UBE2G2: variants seen among roughly 807,000 people sequenced by gnomAD.
UBE2G2 encodes the protein ubiquitin conjugating enzyme E2 G2.
UBE2G2 carries 10 observed loss-of-function variants against 23.0 expected under a neutral mutation model. The ratio of observed to expected loss-of-function variants is 0.43; its 90% CI spans 0.27 to 0.74. The LOEUF (loss-of-function observed/expected upper bound fraction) is 0.74. Ranked by LOEUF, UBE2G2 falls within the 30% of genes least tolerant of loss-of-function variation. The pLI is 0.19. For synonymous variants in UBE2G2, 86 were observed against 81.3 expected, an observed-to-expected ratio of 1.06 and a Z score of -0.31; for missense variants, 150 against 218.3, an observed-to-expected ratio of 0.69 and a Z score of 1.97.
intron 1 of UBE2G2, among the ~76,000 whole-genome samples, chr21:44,798,161 A>C (rs2083108523): frequency 6.6e-6 from 1 of 152,228 alleles, no homozygotes; most frequent in African/African-American, 2.4e-5. Flanking sequence ...GTCTCAAAAA[A>C]TAAATAAATA....
chr21:44,777,360 T>G lies in UBE2G2; in HGVS notation c.183A>C (p.Pro61=), dbSNP rs2082920977. ...FGVFPAILSF[P]LDYPLSPPKM... ...TTGGGGGACTTAACGGGTAATCAAG[T>G]GGGAAACTCAGGATGGCAGGAAAAA... Residue 61 remains proline, a synonymous_variant, in exon 4 of 6, where the codon CCA becomes CCC. Transcript: ENST00000345496. 6.2e-7 allele frequency: 1 copy of G among 1,613,864 alleles called. No homozygotes were observed.
At position 44,773,684 on chromosome 21, in the gene UBE2G2, T is replaced by C; in HGVS notation, c.248A>G (p.Tyr83Cys). 1.2e-6 allele frequency: 2 copies of C among 1,611,964 alleles called. No individual in the cohort carries two copies. The highest frequency in any genetic ancestry group is 1.7e-6 in the Non-Finnish European group (2 of 1,179,950). The change falls in exon 5 of 6, where the codon TAC becomes TGC. Residue 83 changes from tyrosine to cysteine, a missense_variant. Tyr to Cys is a radical substitution (Grantham distance 194). Transcript: ENST00000345496. ...FTCEMFHPNIYPDGRVCISIL... is the reference protein window; with the variant it reads ...FTCEMFHPNICPDGRVCISIL... The stretch of plus-strand genomic sequence containing the variant: ...GGAAATGCAGACTCTCCCATCAGGG[T>C]AGACTGCAAGGGTCAGAGGCAGCCA...
At chr21:44,779,209 G>A in intron 3 of UBE2G2, 2 of 452,140 alleles carry the variant, frequency 4.4e-6, no homozygotes, top group South Asian at 1.6e-5. Context: ...GGCCCTAGCA[G>A]GGCTGATCTG....
Position 44,788,045 on chromosome 21 carries a change from A to AC in UBE2G2, c.79+14dup, listed in dbSNP as rs782799339. ...TTAAAAGTAAATTATAAGGAAGTTAACTTTGGTACCTTACCTGCTACAATT... is the reference window on the plus strand; with the variant it reads ...TTAAAAGTAAATTATAAGGAAGTTAACCTTTGGTACCTTACCTGCTACAATT... On this transcript the variant is annotated intron_variant, in intron 2 of 5. Transcript: ENST00000345496. 6.2e-7 allele frequency: 1 copy of AC among 1,611,776 alleles called. No homozygotes were observed. The highest frequency in any genetic ancestry group is 8.5e-7 in the Non-Finnish European group (1 of 1,179,126).
Position 44,796,762 on chromosome 21 carries a change from C to T in UBE2G2, c.43+4944G>A, listed in dbSNP as rs546092314. Among the ~76,000 whole-genome samples the T allele has an allele frequency of 2.0e-5, 3 of 152,310 alleles. No individual in the cohort carries two copies. The South Asian group carries it at 6.2e-4, about 32-fold the overall frequency. On this transcript the variant is annotated intron_variant, in intron 1 of 5. Transcript: ENST00000345496. ...TCTGCTCAGAGTCTCACCAGGGCTG[C>T]CACTCCAAGTTCATTGAGGTTGCTG...
At chr21:44,794,597 T>G (rs945129266) in intron 1 of UBE2G2, among the ~76,000 whole-genome samples, 1 of 150,948 alleles carries the variant, frequency 6.6e-6, no homozygotes, top group Non-Finnish European at 1.5e-5. Flanking sequence ...TGCAGTGGCG[T>G]GATCTCGGCT....
rs2082880095 is a variant in UBE2G2, at chr21:44,772,251, T to C, written c.386-762A>G. ...AGGACAGCCTGAGCCACTGCCTCCC[T>C]CCCAATCTCCAATCCCCTGGCCTGG... On this transcript the variant is annotated intron_variant, in intron 5 of 5. Transcript: ENST00000345496. The surrounding 1 kb of genome is among the most constrained non-coding windows in gnomAD (Gnocchi z 5.4). Among the ~76,000 whole-genome samples the C allele has an allele frequency of 6.6e-6, 1 of 151,960 alleles. No homozygotes were observed. The highest frequency in any genetic ancestry group is 1.5e-5 in the Non-Finnish European group (1 of 67,960).
chr21:44,798,279 G>T (rs935815757), intron 1 of UBE2G2, among the ~76,000 whole-genome samples: 2 of 152,190 alleles, frequency 1.3e-5, no homozygotes, highest in Non-Finnish European at 2.9e-5. Context: ...AGTCTTGCCC[G>T]GATATTGATG....
chr21:44,793,025 G>A (rs1439367469), intron 1 of UBE2G2, among the ~76,000 whole-genome samples: 1 of 152,246 alleles, frequency 6.6e-6, no homozygotes. Context: ...CTCCCTTTGT[G>A]TCTCTTCATG....
chr21:44,791,074 G>T (rs1555962886), intron 1 of UBE2G2, among the ~76,000 whole-genome samples: 1 of 152,160 alleles, frequency 6.6e-6, no homozygotes, highest in South Asian at 2.1e-4. Flanking sequence ...CAAAGAGAAT[G>T]GTGAGATTTT....
chr21:44,793,468 C>CCTT (rs2083061385), intron 1 of UBE2G2, among the ~76,000 whole-genome samples: 1 of 152,184 alleles, frequency 6.6e-6, no homozygotes, highest in African/African-American at 2.4e-5. Context: ...TGTGCGCTGG[C>CCTT]CTTCCCGCCA....
chr21:44,781,987 CTAAA>C (rs2082961150), intron 3 of UBE2G2, among the ~76,000 whole-genome samples: 2 of 152,142 alleles, frequency 1.3e-5, no homozygotes, highest in South Asian at 2.1e-4. Context: ...ATAAAGTGTA[CTAAA>C]TAAGTTCATC....
intron 3 of UBE2G2, among the ~76,000 whole-genome samples, chr21:44,778,852 A>T (rs2082933482): frequency 6.6e-6 from 1 of 152,246 alleles, no homozygotes; most frequent in African/African-American, 2.4e-5. Context: ...GGCAGAAAGA[A>T]CAGTCGTGCA....
At chr21:44,788,578 C>G (rs1415345488) in intron 1 of UBE2G2, among the ~76,000 whole-genome samples, 1 of 152,022 alleles carries the variant, frequency 6.6e-6, no homozygotes, top group Non-Finnish European at 1.5e-5. Flanking sequence ...CATGAGCCAC[C>G]GCGCCGGCCC....
chr21:44,773,533 G>A lies in UBE2G2; in HGVS notation c.385+14C>T, dbSNP rs1555960177. On this transcript the variant is annotated intron_variant, in intron 5 of 5. Coordinates refer to ENST00000345496, the MANE Select transcript of UBE2G2 (RefSeq NM_003343.6). ...GTGTCCACGGCAGCTCCTGCCAGGA[G>A]GCTCGGGCCTTACCTGCCAGCATGC... 6.2e-7 allele frequency: 1 copy of A among 1,604,196 alleles called. No homozygotes were observed. The highest frequency in any genetic ancestry group is 8.5e-7 in the Non-Finnish European group (1 of 1,178,766).
intron 3 of UBE2G2, among the ~76,000 whole-genome samples, 183 bp from the exon 4 acceptor site, chr21:44,777,600 G>A (rs1555960764): frequency 6.6e-6 from 1 of 152,158 alleles, no homozygotes; most frequent in Non-Finnish European, 1.5e-5. Context: ...CTGAGGTCAG[G>A]AGTTCAAGAC....
At position 44,774,041 on chromosome 21, in the gene UBE2G2, A is replaced by G. The variant is rs539083430; in HGVS notation, c.245-354T>C. On this transcript the variant is annotated intron_variant, in intron 4 of 5. Coordinates refer to ENST00000345496, the MANE Select transcript of UBE2G2 (RefSeq NM_003343.6). ...ATATCTAATGTGATTAGGATTATTT[A>G]CAATACTTTTCAGAGCTAGTTCCTT... 5.0e-5 allele frequency: 9 copies of G among 179,836 alleles called. No individual in the cohort carries two copies. In the South Asian group the frequency reaches 1.3e-3, roughly 27 times the overall value. The allele number at this position is 179,836 out of a possible 1,614,324, so 11.1% of individuals were successfully genotyped here.
intron 1 of UBE2G2, among the ~76,000 whole-genome samples, chr21:44,793,804 T>A (rs1422992583): frequency 6.6e-6 from 1 of 152,176 alleles, no homozygotes; most frequent in Non-Finnish European, 1.5e-5. Context: ...ATCCCACAGA[T>A]AACATTGGTG....
intron 1 of UBE2G2, among the ~76,000 whole-genome samples, chr21:44,798,314 T>A (rs913107066): frequency 6.6e-6 from 1 of 152,216 alleles, no homozygotes; most frequent in Non-Finnish European, 1.5e-5. Context: ...AGGGTGGTAG[T>A]TGCTGAAGGC....
Sources: gnomAD v4.1 joint callset for allele counts (sites outside exome capture counted in the v4.1 genomes callset) on GRCh38, gnomAD v4.1.1 for gene constraint, Gnocchi (gnomAD v3.1) non-coding constraint, MANE v1.5 for transcripts, NCBI Gene and HGNC (gene_info 2026-07-23, HGNC 2026-07-21) for gene names.